Variants in SRRM4 observed in about 807,000 individuals in gnomAD.
The protein encoded by SRRM4 is serine/arginine repetitive matrix protein 4.
SRRM4 carries 33 observed loss-of-function variants against 68.9 expected under a neutral mutation model. The ratio of observed to expected loss-of-function variants is 0.48; its 90% CI spans 0.36 to 0.64. The LOEUF (loss-of-function observed/expected upper bound fraction) is 0.64. Ranked by LOEUF, SRRM4 falls within the 30% of genes least tolerant of loss-of-function variation. The probability of loss-of-function intolerance (pLI) is 0.00; values close to 1 mark genes in which losing one functional copy is unlikely to be tolerated. For synonymous variants in SRRM4, 318 were observed against 318.8 expected (o/e 1.00, Z 0.03); for missense variants, 817 against 827.1 (o/e 0.99, Z 0.15).
intron 1 of SRRM4, among the ~76,000 whole-genome samples, chr12:119,098,911 C>T (rs1191669162): frequency 6.6e-6 from 1 of 152,190 alleles, no homozygotes; most frequent in East Asian, 1.9e-4. Flanking sequence ...GGAGCTTGGA[C>T]TATTGCAACC....
At chr12:118,986,118 A>T (rs549765485) in intron 1 of SRRM4, among the ~76,000 whole-genome samples, 40 of 152,316 alleles carry the variant, frequency 2.6e-4, no homozygotes, top group African/African-American at 8.9e-4. Flanking sequence ...AGAAAAAAAA[A>T]TGCCTTTGAA....
chr12:119,119,671 G>T (rs560061878), intron 4 of SRRM4, among the ~76,000 whole-genome samples: 1 of 152,064 alleles, frequency 6.6e-6, no homozygotes, highest in Non-Finnish European at 1.5e-5. Flanking sequence ...GAGATTGTAC[G>T]TGACAGGTGC....
intron 1 of SRRM4, among the ~76,000 whole-genome samples, chr12:118,988,728 G>A (rs1421844969): frequency 1.3e-5 from 2 of 152,154 alleles, no homozygotes; most frequent in African/African-American, 2.4e-5. Flanking sequence ...ATGAACACAG[G>A]AACTCCCTGT....
chr12:118,981,818 G>A lies in SRRM4; in HGVS notation c.-65G>A, dbSNP rs980616336. On this transcript the variant is annotated 5_prime_UTR_variant, in exon 1 of 13. Transcript: ENST00000267260. ...GAGCCGGGAGCTGGGTGTCGCCCCCGTTTGGAATCCACGTTTCAGCACTTT... is the reference window on the plus strand; with the variant it reads ...GAGCCGGGAGCTGGGTGTCGCCCCCATTTGGAATCCACGTTTCAGCACTTT... 13 of 1,509,010 alleles carry A rather than the reference G, an allele frequency of 8.6e-6. No homozygotes were observed. In the East Asian group the frequency reaches 2.8e-4, roughly 33 times the overall value. 93.5% of individuals were successfully genotyped at this position (1,509,010 alleles called of 1,614,324 possible). A position where few individuals can be genotyped will look rare whatever the true frequency, so the allele number is the denominator to read the frequency against.
Position 119,153,607 on chromosome 12 carries a change from G to A in SRRM4, c.1349G>A (p.Arg450Lys). ...GKRSPPSRSSRSRRSPSYSRY... is the reference protein window; with the variant it reads ...GKRSPPSRSSKSRRSPSYSRY... ...AGGAGCCCGCCCAGCAGAAGCTCTAGGTCCCGCCGCAGCCCTAGCTACTCC... is the reference window on the plus strand; with the variant it reads ...AGGAGCCCGCCCAGCAGAAGCTCTAAGTCCCGCCGCAGCCCTAGCTACTCC... Residue 450 changes from arginine (R) to lysine (K), a missense_variant, in exon 11 of 13, where the codon AGG becomes AAG. By Grantham distance (26) the Arg-to-Lys change is conservative. Coordinates refer to ENST00000267260, the MANE Select transcript of SRRM4 (RefSeq NM_194286.4). 1 of 1,569,402 alleles carries A rather than the reference G, an allele frequency of 6.4e-7. No individual in the cohort carries two copies. Among genetic ancestry groups the A allele is most frequent in the East Asian group, 2.4e-5 (1 of 41,796 alleles).
chr12:119,097,017 C>A (rs1954049782), intron 1 of SRRM4, among the ~76,000 whole-genome samples: 1 of 151,902 alleles, frequency 6.6e-6, no homozygotes, highest in African/African-American at 2.4e-5. Context: ...CGCCGGGAGG[C>A]CTTGAGGAAT....
chr12:119,130,434 G>GATGGTTAA (rs1555220479), intron 7 of SRRM4, among the ~76,000 whole-genome samples: 1 of 152,070 alleles, frequency 6.6e-6, no homozygotes, highest in Non-Finnish European at 1.5e-5. Flanking sequence ...TGGATGGATG[G>GATGGTTAA]ATGGATGGAT....
intron 1 of SRRM4, among the ~76,000 whole-genome samples, chr12:119,014,381 C>T (rs1034980863): frequency 2.0e-5 from 3 of 152,150 alleles, no homozygotes; most frequent in Middle Eastern, 3.4e-3. Flanking sequence ...ATCTCCTTCC[C>T]CGATCCCCAC....
intron 9 of SRRM4, among the ~76,000 whole-genome samples, chr12:119,146,297 C>G (rs1954400813): frequency 6.6e-6 from 1 of 152,124 alleles, no homozygotes; most frequent in Admixed American, 6.6e-5. Context: ...AGAAGGAAGT[C>G]GAACATTGAC....
rs141217000 is a variant in SRRM4 at position 119,032,201 on chromosome 12, G to A, written c.131+50188G>A. Among the ~76,000 whole-genome samples the A allele has an allele frequency of 6.4e-4, 97 of 152,194 alleles. No homozygotes were observed. In the East Asian group the frequency reaches 0.018, roughly 29 times the overall value. On this transcript the variant is annotated intron_variant, in intron 1 of 12. Transcript: ENST00000267260. ...AATGAAGCGTCCCCTCCCAAGAAGG[G>A]GTATTAGAATCTCTCTTGTTGGTAT...
intron 1 of SRRM4, among the ~76,000 whole-genome samples, chr12:119,065,408 T>C (rs1403348681): frequency 6.6e-6 from 1 of 152,152 alleles, no homozygotes. Flanking sequence ...ATGTAGGACC[T>C]AACACAGTTG....
intron 1 of SRRM4, among the ~76,000 whole-genome samples, chr12:119,012,447 T>C (rs1953456129): frequency 6.6e-6 from 1 of 152,216 alleles, no homozygotes; most frequent in African/African-American, 2.4e-5. Context: ...AATTCTTCTC[T>C]CCTGGCCACA....
chr12:119,073,125 A>G (rs1953888023), intron 1 of SRRM4, among the ~76,000 whole-genome samples: 1 of 152,164 alleles, frequency 6.6e-6, no homozygotes, highest in African/African-American at 2.4e-5. Context: ...TAAGGAAATA[A>G]TTGAGTCTGG....
chr12:119,117,092 C>A, intron 4 of SRRM4, 84 bp downstream of exon 4: 2 of 1,052,258 alleles, frequency 1.9e-6, no homozygotes, highest in Non-Finnish European at 2.9e-6. Flanking sequence ...CATCTGGAAG[C>A]ATATCATGTC....
intron 6 of SRRM4, among the ~76,000 whole-genome samples, chr12:119,123,719 C>G (rs7957181): frequency 0.042 from 6,424 of 152,300 alleles, 214 homozygotes; most frequent in Admixed American, 0.077. Context: ...ACCAAGTCTA[C>G]GGTCAGGGCT....
chr12:119,107,823 G>A (rs1411782439), intron 2 of SRRM4, among the ~76,000 whole-genome samples: 1 of 152,044 alleles, frequency 6.6e-6, no homozygotes, highest in Admixed American at 6.6e-5. Context: ...CTTCAGTTCT[G>A]CTCTGATCTT....
intron 1 of SRRM4, among the ~76,000 whole-genome samples, chr12:119,061,149 A>G (rs1459491868): frequency 6.6e-6 from 1 of 152,204 alleles, no homozygotes; most frequent in Admixed American, 6.5e-5. Flanking sequence ...GGTTGAAGGA[A>G]TGAATAATGG....
At chr12:119,077,387 C>G (rs1391826600) in intron 1 of SRRM4, among the ~76,000 whole-genome samples, 1 of 152,056 alleles carries the variant, frequency 6.6e-6, no homozygotes, top group Non-Finnish European at 1.5e-5. Flanking sequence ...AACACACTTA[C>G]GATTCTGGCT....
chr12:119,017,456 T>C (rs1289652742), intron 1 of SRRM4, among the ~76,000 whole-genome samples: 1 of 152,228 alleles, frequency 6.6e-6, no homozygotes, highest in East Asian at 1.9e-4. Flanking sequence ...CTTGTGTGTC[T>C]GGGCTGAAGA....
Sources: allele counts gnomAD v4.1 joint callset (sites outside exome capture counted in the v4.1 genomes callset), GRCh38; gene constraint gnomAD v4.1.1; transcripts MANE v1.5; gene names NCBI Gene and HGNC (gene_info 2026-07-23, HGNC 2026-07-21).